Variants in SLC9A9 observed in about 807,000 individuals in gnomAD.
SLC9A9 encodes the protein solute carrier family 9 member A9.
In SLC9A9, 62 loss-of-function variants were observed where a neutral mutation model predicts 77.8. The ratio of observed to expected loss-of-function variants is 0.80; its 90% CI spans 0.65 to 0.98. The LOEUF (loss-of-function observed/expected upper bound fraction) is 0.98, where lower values mean the gene tolerates loss of function less well. SLC9A9 is among the 50% of genes least tolerant of loss of function. The pLI is 0.00. For synonymous variants in SLC9A9, 320 were observed against 283.5 expected (o/e 1.13, Z -1.29); for missense variants, 775 against 774.9 (o/e 1.00, Z 0.00).
At chr3:143,456,270 C>A (rs114047565) in intron 12 of SLC9A9, among the ~76,000 whole-genome samples, 1 of 152,208 alleles carries the variant, frequency 6.6e-6, no homozygotes, top group Non-Finnish European at 1.5e-5. Context: ...TAATGTGTAG[C>A]CTTTTTAAGT....
intron 6 of SLC9A9, among the ~76,000 whole-genome samples, chr3:143,631,545 C>T (rs1281304315): frequency 1.3e-5 from 2 of 152,124 alleles, no homozygotes; most frequent in Non-Finnish European, 2.9e-5. Context: ...TTTCACATTT[C>T]GTTCCTTGAT....
At chr3:143,825,665 A>G (rs1681808643) in intron 2 of SLC9A9, among the ~76,000 whole-genome samples, 1 of 152,220 alleles carries the variant, frequency 6.6e-6, no homozygotes, top group Admixed American at 6.5e-5. Flanking sequence ...CTCACTTCAA[A>G]GTAACTTCCT....
intron 9 of SLC9A9, among the ~76,000 whole-genome samples, chr3:143,519,746 A>G (rs527819808): frequency 1.3e-5 from 2 of 152,270 alleles, no homozygotes; most frequent in Non-Finnish European, 2.9e-5. Context: ...AAGAGACACA[A>G]TTCTGTATAT....
intron 6 of SLC9A9, among the ~76,000 whole-genome samples, chr3:143,609,231 T>C (rs956840762): frequency 2.0e-5 from 3 of 152,122 alleles, no homozygotes; most frequent in African/African-American, 7.2e-5. Flanking sequence ...GGACACAGTG[T>C]TCCAAAAACA....
At chr3:143,693,366 C>G in intron 4 of SLC9A9, 59 bp from the exon 5 acceptor site, 2 of 1,317,510 alleles carry the variant, frequency 1.5e-6, no homozygotes. Flanking sequence ...TAAACCCATG[C>G]TATCATAAGC....
At chr3:143,399,536 G>A (rs995928422) in intron 12 of SLC9A9, among the ~76,000 whole-genome samples, 47 of 152,238 alleles carry the variant, frequency 3.1e-4, no homozygotes, top group African/African-American at 1.1e-3. Flanking sequence ...TTGTCTTAGA[G>A]CAGAAGAGAA....
chr3:143,338,053 C>A (rs1454270620), intron 14 of SLC9A9, among the ~76,000 whole-genome samples: 2 of 152,126 alleles, frequency 1.3e-5, no homozygotes, highest in Non-Finnish European at 2.9e-5. Context: ...AAATTAAAAG[C>A]CCTATTCAAA....
intron 12 of SLC9A9, among the ~76,000 whole-genome samples, chr3:143,399,006 CAT>C (rs10546289): frequency 0.46 from 68,872 of 148,880 alleles, 15,682 homozygotes; most frequent in African/African-American, 0.54. Flanking sequence ...CACACACACA[CAT>C]ACACACACAT....
chr3:143,770,613 AG>A (rs2007483415), intron 4 of SLC9A9, among the ~76,000 whole-genome samples: 1 of 152,206 alleles, frequency 6.6e-6, no homozygotes. Flanking sequence ...TAAGTACTTG[AG>A]GAAAACAAGA....
intron 12 of SLC9A9, among the ~76,000 whole-genome samples, chr3:143,433,095 A>C (rs2034555263): frequency 1.3e-5 from 2 of 152,232 alleles, no homozygotes; most frequent in South Asian, 4.1e-4. Context: ...GGTTATTTAG[A>C]TATATCTTTT....
intron 9 of SLC9A9, among the ~76,000 whole-genome samples, chr3:143,548,058 T>C (rs2036818070): frequency 6.6e-6 from 1 of 152,246 alleles, no homozygotes; most frequent in Middle Eastern, 3.2e-3. Flanking sequence ...ATGAGATAAG[T>C]ACTTTGTACA....
Position 143,591,038 on chromosome 3 carries a change from C to T in SLC9A9, c.756-12315G>A, listed in dbSNP as rs1173818750. On this transcript the variant is annotated intron_variant, in intron 6 of 15. Coordinates refer to ENST00000316549, the MANE Select transcript of SLC9A9 (RefSeq NM_173653.4). ...CTGCCTTCTTAATCTGGGTGCCTTT[C>T]ATTCTCACATTAGATAAACCCCACT... 3.3e-5 allele frequency among the ~76,000 whole-genome samples: 5 copies of T among 152,190 alleles called. No individual in the cohort carries two copies. The East Asian group carries it at 9.6e-4, about 29-fold the overall frequency.
chr3:143,508,310 A>C (rs1420781601), intron 9 of SLC9A9, among the ~76,000 whole-genome samples: 1 of 152,226 alleles, frequency 6.6e-6, no homozygotes, highest in African/African-American at 2.4e-5. Context: ...TCCCTTGATA[A>C]AAGTATTGCA....
Position 143,740,909 on chromosome 3 carries a change from G to T in SLC9A9, c.534-47602C>A, listed in dbSNP as rs111325888. Among the ~76,000 whole-genome samples the T allele has an allele frequency of 4.7e-3, 722 of 152,202 alleles. 6 individuals carry two copies. Among genetic ancestry groups the T allele is most frequent in the African/African-American group, 0.017 (705 of 41,544 alleles). On this transcript the variant is annotated intron_variant, in intron 4 of 15. Coordinates refer to ENST00000316549, the MANE Select transcript of SLC9A9 (RefSeq NM_173653.4). ...TTGGAGTTAAACAATTAAGTAAATG[G>T]CTTCTCACGGTTGCAGTGAAAATTT... is the stretch of plus-strand genomic sequence containing the variant.
intron 6 of SLC9A9, among the ~76,000 whole-genome samples, chr3:143,620,118 T>C (rs114805857): frequency 1.7e-3 from 255 of 152,324 alleles, no homozygotes; most frequent in Non-Finnish European, 2.7e-3. Flanking sequence ...CTTTTGTTCA[T>C]TTGCAGGGAG....
At chr3:143,743,522 G>A (rs1227012694) in intron 4 of SLC9A9, among the ~76,000 whole-genome samples, 1 of 152,138 alleles carries the variant, frequency 6.6e-6, no homozygotes, top group Non-Finnish European at 1.5e-5. Context: ...TCCAAAGGTG[G>A]GGGAAGAGTG....
intron 4 of SLC9A9, among the ~76,000 whole-genome samples, chr3:143,728,327 G>T (rs1344348182): frequency 6.6e-6 from 1 of 152,158 alleles, no homozygotes; most frequent in Non-Finnish European, 1.5e-5. Flanking sequence ...CATCACTGAA[G>T]CTGCAATGAG....
chr3:143,570,037 C>T (rs1241997697), intron 8 of SLC9A9, among the ~76,000 whole-genome samples: 1 of 151,628 alleles, frequency 6.6e-6, no homozygotes, highest in Non-Finnish European at 1.5e-5. Context: ...AACTCTTGGG[C>T]CCAAGCAATC....
At chr3:143,289,181 C>A (rs1938467614) in intron 14 of SLC9A9, among the ~76,000 whole-genome samples, 1 of 152,084 alleles carries the variant, frequency 6.6e-6, no homozygotes, top group Non-Finnish European at 1.5e-5. Context: ...GCTTACAGGG[C>A]CCTTGTCTAC....
Sources: gnomAD v4.1 joint callset for allele counts (sites outside exome capture counted in the v4.1 genomes callset) on GRCh38, gnomAD v4.1.1 for gene constraint, MANE v1.5 for transcripts, NCBI Gene and HGNC (gene_info 2026-07-23, HGNC 2026-07-21) for gene names.